Variants in HDAC9 observed in about 807,000 individuals in gnomAD.
HDAC9 encodes the protein MEF-2 interacting transcription repressor (MITR) protein.
In HDAC9, 41 loss-of-function variants were observed where a neutral mutation model predicts 139.4. The ratio of observed to expected loss-of-function variants is 0.29; its 90% CI spans 0.23 to 0.38. The LOEUF is 0.38. HDAC9 is among the 10% of genes least tolerant of loss of function. The pLI, the probability that HDAC9 is intolerant of heterozygous loss-of-function variation, is 1.00. For missense variants in HDAC9, 1,147 were observed against 1,297.0 expected, an observed-to-expected ratio of 0.88 and a Z score of 1.78; for synonymous variants, 517 against 476.2, an observed-to-expected ratio of 1.09 and a Z score of -1.12.
At chr7:18,967,089 G>A (rs1265446849) in intron 24 of HDAC9, among the ~76,000 whole-genome samples, 2 of 152,066 alleles carry the variant, frequency 1.3e-5, no homozygotes, top group African/African-American at 4.8e-5. Flanking sequence ...AATCACAGAC[G>A]AACACTGAAG....
At chr7:18,895,612 T>G (rs1367521555) in intron 22 of HDAC9, among the ~76,000 whole-genome samples, 1 of 152,092 alleles carries the variant, frequency 6.6e-6, no homozygotes, top group African/African-American at 2.4e-5. Context: ...TACTCCTCCT[T>G]TGAATATGAG....
At chr7:18,215,187 A>G (rs747666442) in intron 2 of HDAC9, among the ~76,000 whole-genome samples, 18 of 152,132 alleles carry the variant, frequency 1.2e-4, no homozygotes, top group Non-Finnish European at 2.2e-4. Context: ...TATTTTTCAT[A>G]TTTCACAGAG....
chr7:18,816,037 A>G (rs1334379583), intron 17 of HDAC9, among the ~76,000 whole-genome samples: 1 of 152,250 alleles, frequency 6.6e-6, no homozygotes, highest in Non-Finnish European at 1.5e-5. Context: ...AATATTATGC[A>G]TATGGTAAAC....
At chr7:18,122,532 A>G (rs1379746136) in intron 1 of HDAC9, among the ~76,000 whole-genome samples, 1 of 151,868 alleles carries the variant, frequency 6.6e-6, no homozygotes, top group Admixed American at 6.6e-5. Flanking sequence ...ATTTTTTTTG[A>G]TGTATATGTT....
chr7:18,559,718 C>T (rs1819998954), intron 2 of HDAC9, among the ~76,000 whole-genome samples: 1 of 152,160 alleles, frequency 6.6e-6, no homozygotes, highest in Non-Finnish European at 1.5e-5. Context: ...CACCTACTTT[C>T]CTGGGGTCTC....
In HDAC9 at chr7:18,666,346, G is replaced by A. The variant is rs774067124; in HGVS notation, c.1601G>A (p.Ser534Asn). 1 of 1,613,422 alleles carries A rather than the reference G, an allele frequency of 6.2e-7. No homozygotes were observed. The highest frequency in any genetic ancestry group is 1.3e-5 in the African/African-American group (1 of 75,016). ...PSSGNSTRSD[S>N]SACVDDTLGQ... ...AGTGGCAACAGCACTAGGAGCGACA[G>A]CAGTGCTTGTGTGGATGACACACTG... is the stretch of plus-strand genomic sequence containing the variant. Residue 534 changes from serine to asparagine, a missense_variant, in exon 12 of 26, where the codon AGC becomes AAC. Physicochemically the swap from Ser to Asn is conservative, Grantham distance 46. Transcript: ENST00000686413.
At chr7:18,898,001 T>G (rs1801370163) in intron 22 of HDAC9, among the ~76,000 whole-genome samples, 2 of 151,866 alleles carry the variant, frequency 1.3e-5, no homozygotes, top group African/African-American at 4.8e-5. Context: ...TTTTTGTATA[T>G]GCATGAATAG....
chr7:18,724,882 A>G (rs1452364942), intron 12 of HDAC9, among the ~76,000 whole-genome samples: 1 of 152,192 alleles, frequency 6.6e-6, no homozygotes, highest in South Asian at 2.1e-4. Flanking sequence ...TATATAAAAG[A>G]CTATGGCAGG....
chr7:18,176,810 T>A (rs1339828598), intron 2 of HDAC9, among the ~76,000 whole-genome samples: 3 of 152,208 alleles, frequency 2.0e-5, no homozygotes, highest in African/African-American at 7.2e-5. Context: ...TTATTGTGCT[T>A]CCTTTTTTAT....
chr7:18,754,725 T>A (rs2129150684), intron 14 of HDAC9, among the ~76,000 whole-genome samples: 1 of 152,250 alleles, frequency 6.6e-6, no homozygotes, highest in East Asian at 1.9e-4. Context: ...CTTCAGGGTC[T>A]TCTCGGCAGT....
chr7:18,127,596 A>T (rs1178842759), intron 1 of HDAC9, among the ~76,000 whole-genome samples: 1 of 152,116 alleles, frequency 6.6e-6, no homozygotes, highest in African/African-American at 2.4e-5. Context: ...TTAAAAAAGG[A>T]ATAGGATTAG....
chr7:18,615,534 T>A (rs1475584714), intron 6 of HDAC9, among the ~76,000 whole-genome samples: 1 of 152,230 alleles, frequency 6.6e-6, no homozygotes. Flanking sequence ...TAAATTATAC[T>A]TTTTGTCTTT....
chr7:18,718,980 G>C (rs1371276515), intron 12 of HDAC9, among the ~76,000 whole-genome samples: 1 of 152,140 alleles, frequency 6.6e-6, no homozygotes, highest in Non-Finnish European at 1.5e-5. Context: ...GTGTGAAGTT[G>C]TAAATTGTTG....
rs539851314 is a variant in HDAC9 at position 18,975,968 on chromosome 7, T to G, written c.3170+15T>G. On this transcript the variant is annotated intron_variant, in intron 25 of 25. Transcript: ENST00000686413. ...GAAGACAGCAGGTATGAATCCAACG[T>G]GCGGGAATAATCCGGGTCAGTCATA... 6.1e-4 allele frequency: 987 copies of G among 1,611,560 alleles called. 14 individuals are homozygous for G. In the South Asian group the frequency reaches 0.01, roughly 17 times the overall value.
chr7:18,939,794 C>T (rs1781896520), intron 23 of HDAC9, among the ~76,000 whole-genome samples: 1 of 152,106 alleles, frequency 6.6e-6, no homozygotes, highest in Non-Finnish European at 1.5e-5. Flanking sequence ...ATTAATAGAG[C>T]AATTAGAACT....
chr7:18,119,010 C>G (rs1207755762), intron 1 of HDAC9, among the ~76,000 whole-genome samples: 3 of 152,180 alleles, frequency 2.0e-5, no homozygotes, highest in Non-Finnish European at 2.9e-5. Flanking sequence ...AATATTTTAT[C>G]TGAAGCTCTT....
chr7:18,127,317 T>G (rs1342141963), intron 1 of HDAC9: 3 of 170,370 alleles, frequency 1.8e-5, no homozygotes, highest in Non-Finnish European at 2.9e-5. Context: ...GTTGCTTATC[T>G]GAAATTTATA....
chr7:18,226,812 A>G (rs372260171), intron 2 of HDAC9, among the ~76,000 whole-genome samples: 20 of 152,370 alleles, frequency 1.3e-4, no homozygotes, highest in Admixed American at 1.2e-3. Context: ...ATAGCAGGAT[A>G]TGTAGGCAGT....
At chr7:18,544,196 G>A (rs1813967001) in intron 2 of HDAC9, among the ~76,000 whole-genome samples, 1 of 152,182 alleles carries the variant, frequency 6.6e-6, no homozygotes, top group South Asian at 2.1e-4. Context: ...TGACAACACT[G>A]GAGGTGGGGA....
Sources: gnomAD v4.1 joint callset for allele counts (sites outside exome capture counted in the v4.1 genomes callset) on GRCh38, gnomAD v4.1.1 for gene constraint, MANE v1.5 for transcripts, NCBI Gene and HGNC (gene_info 2026-07-23, HGNC 2026-07-21) for gene names.